The following EXOC4 variants were observed in gnomAD, a reference collection of about 807,000 sequenced individuals.
The protein encoded by EXOC4 is exocyst complex component 4.
Under a neutral mutation model 107.2 loss-of-function variants are expected in EXOC4, and 71 were observed. The ratio of observed to expected loss-of-function variants is 0.66; its 90% CI spans 0.55 to 0.81. The LOEUF (loss-of-function observed/expected upper bound fraction) is 0.81, where lower values mean the gene tolerates loss of function less well. EXOC4 is among the 30% of genes least tolerant of loss of function. The pLI, the probability that EXOC4 is intolerant of heterozygous loss-of-function variation, is 0.00. For synonymous variants in EXOC4, 456 were observed against 441.2 expected (o/e 1.03, Z -0.42); for missense variants, 1,108 against 1,189.6 (o/e 0.93, Z 1.01).
intron 11 of EXOC4, among the ~76,000 whole-genome samples, chr7:133,837,767 A>C (rs1210346575): frequency 6.6e-6 from 1 of 152,218 alleles, no homozygotes; most frequent in Admixed American, 6.5e-5. Context: ...AGAGAGAGTC[A>C]CAAAAATGGG....
intron 11 of EXOC4, among the ~76,000 whole-genome samples, chr7:133,861,363 A>C (rs1798529695): frequency 6.6e-6 from 1 of 152,176 alleles, no homozygotes; most frequent in Non-Finnish European, 1.5e-5. Context: ...TGTGACATGC[A>C]ATTTATCTAC....
At chr7:134,043,846 A>G (rs1425528421) in intron 17 of EXOC4, among the ~76,000 whole-genome samples, 1 of 152,080 alleles carries the variant, frequency 6.6e-6, no homozygotes, top group Non-Finnish European at 1.5e-5. Context: ...CTGTGTAGAG[A>G]AGGACAGGCT....
chr7:133,903,797 G>A (rs1448782283), intron 12 of EXOC4, among the ~76,000 whole-genome samples: 11 of 152,308 alleles, frequency 7.2e-5, no homozygotes, highest in African/African-American at 2.4e-4. Context: ...TATACTCATG[G>A]CAAAGAAGAG....
chr7:133,837,233 C>T (rs1002565564), intron 11 of EXOC4, among the ~76,000 whole-genome samples: 1 of 152,120 alleles, frequency 6.6e-6, no homozygotes, highest in Non-Finnish European at 1.5e-5. Context: ...AAGGACTGTC[C>T]TCTAGGAGGG....
intron 17 of EXOC4, among the ~76,000 whole-genome samples, chr7:134,024,794 A>G (rs1795102335): frequency 6.6e-6 from 1 of 152,226 alleles, no homozygotes; most frequent in Non-Finnish European, 1.5e-5. Flanking sequence ...CTCCAAGCAC[A>G]AGGGTGACAG....
At chr7:134,007,627 T>C in intron 16 of EXOC4, 49 bp from the exon 17 acceptor site, 8 of 1,520,636 alleles carry the variant, frequency 5.3e-6, no homozygotes, top group Non-Finnish European at 7.1e-6. Flanking sequence ...CAGGAATGCC[T>C]CTAATCTGTC....
the EXOC4 span, among the ~76,000 whole-genome samples, chr7:134,078,290 A>G: frequency 6.6e-6 from 1 of 151,672 alleles, no homozygotes; most frequent in South Asian, 2.1e-4. Flanking sequence ...TCCAACACAT[A>G]AACAGAAAAA....
intron 10 of EXOC4, among the ~76,000 whole-genome samples, chr7:133,762,698 A>G (rs1251688152): frequency 6.6e-6 from 1 of 152,146 alleles, no homozygotes; most frequent in East Asian, 1.9e-4. Flanking sequence ...GTGTTATATA[A>G]TTAAAATTAC....
intron 10 of EXOC4, among the ~76,000 whole-genome samples, chr7:133,655,814 G>A (rs1366556710): frequency 6.6e-6 from 1 of 152,152 alleles, no homozygotes; most frequent in Non-Finnish European, 1.5e-5. Flanking sequence ...TTAATAAGGA[G>A]GAATACACTC....
rs528279124 is a variant in EXOC4 at position 133,422,234 on chromosome 7, A to G, written c.1182+47232A>G. 5.9e-5 allele frequency among the ~76,000 whole-genome samples: 9 copies of G among 152,278 alleles called. No individual in the cohort carries two copies. In the South Asian group the frequency reaches 1.9e-3, roughly 32 times the overall value. On this transcript the variant is annotated intron_variant, in intron 7 of 17. Coordinates refer to ENST00000253861, the MANE Select transcript of EXOC4 (RefSeq NM_021807.4). ...CATTAAGTAGGCAGAGGACAATACA[A>G]TGAGATAGGCAAAACTGAAAACAAA...
intron 9 of EXOC4, among the ~76,000 whole-genome samples, chr7:133,552,025 A>G (rs1800599157): frequency 1.3e-5 from 2 of 152,178 alleles, no homozygotes; most frequent in Admixed American, 1.3e-4. Context: ...TTTAAAAGTA[A>G]TAGTAATGAA....
chr7:133,643,314 A>G lies in EXOC4; in HGVS notation c.1514+13173A>G, dbSNP rs1802906581. Among the ~76,000 whole-genome samples the G allele has an allele frequency of 2.5e-5, 3 of 120,944 alleles. No individual in the cohort carries two copies. In the East Asian group the frequency reaches 8.5e-4, roughly 34 times the overall value. The allele number at this position is 120,944 out of a possible 152,430, so 79.3% of individuals were successfully genotyped here. ...AAGATGTAGGCTGGAAGGCTAGGTC[A>G]GTCTCTCTTTTCACATTTTTCTGCC... On this transcript the variant is annotated intron_variant, in intron 10 of 17. Transcript: ENST00000253861.
chr7:133,422,022 G>T (rs1324027656), intron 7 of EXOC4, among the ~76,000 whole-genome samples: 1 of 152,166 alleles, frequency 6.6e-6, no homozygotes, highest in Admixed American at 6.5e-5. Flanking sequence ...TTCATTTGAG[G>T]TAATTTTTAT....
At position 133,536,238 on chromosome 7, in the gene EXOC4, A is replaced by G. The variant is rs148045025; in HGVS notation, c.1417+56100A>G. The stretch of plus-strand genomic sequence containing the variant: ...TGCCATGGTCCCTTACTCAGAATAA[A>G]TGTTCAACAAATTACAATTCTCCTT... On this transcript the variant is annotated intron_variant, in intron 9 of 17. Transcript: ENST00000253861. 1.4e-4 allele frequency among the ~76,000 whole-genome samples: 21 copies of G among 152,320 alleles called. No individual in the cohort carries two copies. The East Asian group carries it at 3.7e-3, about 27-fold the overall frequency.
chr7:133,317,828 C>G (rs961834397), intron 5 of EXOC4, among the ~76,000 whole-genome samples: 1 of 152,068 alleles, frequency 6.6e-6, no homozygotes, highest in Non-Finnish European at 1.5e-5. Context: ...ATTACAGGTG[C>G]CTGCCACCAT....
Position 133,856,895 on chromosome 7 carries a change from T to G in EXOC4, c.1735-38704T>G, listed in dbSNP as rs565797988. ...GCAGGCGGATCACGAGGTCAGGAGATCGAGACCATCCTGGCTAACACGGTG... is the reference window on the plus strand; with the variant it reads ...GCAGGCGGATCACGAGGTCAGGAGAGCGAGACCATCCTGGCTAACACGGTG... On this transcript the variant is annotated intron_variant, in intron 11 of 17. Coordinates refer to ENST00000253861, the MANE Select transcript of EXOC4 (RefSeq NM_021807.4). 9.9e-4 allele frequency among the ~76,000 whole-genome samples: 150 copies of G among 151,260 alleles called. 1 individual carries two copies. Among genetic ancestry groups the G allele is most frequent in the African/African-American group, 3.3e-3 (136 of 41,226 alleles).
the EXOC4 span, among the ~76,000 whole-genome samples, chr7:134,082,425 C>T: frequency 6.6e-6 from 1 of 152,246 alleles, no homozygotes; most frequent in East Asian, 1.9e-4. Context: ...AGCTTCTTTA[C>T]TGCAACCTAG....
At chr7:133,462,204 A>T (rs919751107) in intron 7 of EXOC4, among the ~76,000 whole-genome samples, 1 of 152,138 alleles carries the variant, frequency 6.6e-6, no homozygotes, top group African/African-American at 2.4e-5. Flanking sequence ...TAAAGTGACT[A>T]TAGTAAGTAG....
At chr7:133,378,142 C>T (rs182683180) in intron 7 of EXOC4, among the ~76,000 whole-genome samples, 329 of 151,984 alleles carry the variant, frequency 2.2e-3, no homozygotes, top group African/African-American at 7.7e-3. Context: ...AACCCTGTCT[C>T]TATGAAAAAT....
Sources: allele counts gnomAD v4.1 joint callset (sites outside exome capture counted in the v4.1 genomes callset), GRCh38; gene constraint gnomAD v4.1.1; transcripts MANE v1.5; gene names NCBI Gene and HGNC (gene_info 2026-07-23, HGNC 2026-07-21).